Variants in ROCK1 observed in about 807,000 individuals in gnomAD.
The protein encoded by ROCK1 is Rho associated coiled-coil containing protein kinase 1, also known as rho-associated protein kinase 1.
A neutral mutation model predicts 196.8 loss-of-function variants in ROCK1; 36 were observed. The ratio of observed to expected loss-of-function variants is 0.18; its 90% CI spans 0.14 to 0.24. The LOEUF is 0.24. Among genes scored for constraint, ROCK1 ranks in the 10% least tolerant of loss-of-function variants. The probability of loss-of-function intolerance (pLI) is 1.00; values close to 1 mark genes in which losing one functional copy is unlikely to be tolerated. For synonymous variants in ROCK1, 443 were observed against 515.9 expected, an observed-to-expected ratio of 0.86 and a Z score of 1.91; for missense variants, 920 against 1,562.0, an observed-to-expected ratio of 0.59 and a Z score of 6.93.
rs373211247 is a variant in ROCK1 at position 21,063,133 on chromosome 18, A to C, written c.175+7399T>G. On this transcript the variant is annotated intron_variant, in intron 2 of 32. Coordinates refer to ENST00000399799, the MANE Select transcript of ROCK1 (RefSeq NM_005406.3). ...ACATGCACAAGAGCTCACTTTTATA[A>C]CCCCTTCCCACAATAACAGCATTAA... is the stretch of plus-strand genomic sequence containing the variant. Among the ~76,000 whole-genome samples, 3 of 152,174 alleles carry C rather than the reference A, an allele frequency of 2.0e-5. No homozygotes were observed. In the South Asian group the frequency reaches 6.2e-4, roughly 32 times the overall value.
Position 20,951,370 on chromosome 18 carries a change from A to T in ROCK1, c.*14T>A. 1 of 1,602,586 alleles carries T rather than the reference A, an allele frequency of 6.2e-7. No homozygotes were observed. The highest frequency in any genetic ancestry group is 8.5e-7 in the Non-Finnish European group (1 of 1,173,694). On this transcript the variant is annotated 3_prime_UTR_variant, in exon 33 of 33. Coordinates refer to ENST00000399799, the MANE Select transcript of ROCK1 (RefSeq NM_005406.3). ...AGCATCCCACACGATTCCACAGGGC[A>T]CTCAGTCACATGGTTAACTGTTGAG...
chr18:20,963,106 T>C (rs1278206393), intron 27 of ROCK1, among the ~76,000 whole-genome samples: 1 of 151,842 alleles, frequency 6.6e-6, no homozygotes, highest in Non-Finnish European at 1.5e-5. Context: ...AACCTCTAAG[T>C]CTGGATTATC....
chr18:20,987,067 C>T lies in ROCK1; in HGVS notation c.2187G>A (p.Lys729=), dbSNP rs1440434949. 6.2e-7 allele frequency: 1 copy of T among 1,612,876 alleles called. No homozygotes were observed. Among genetic ancestry groups the T allele is most frequent in the Non-Finnish European group, 8.5e-7 (1 of 1,179,748 alleles). ...CAATCTGAACAACCCGATTTTCAGC[C>T]TTCTCTCGAGCTTCTCTTTCTTCTT... ...KLKEEREARE[K]AENRVVQIEK... The change falls in exon 19 of 33, where the codon AAG becomes AAA. Residue 729 remains lysine, a synonymous_variant. Transcript: ENST00000399799.
chr18:20,982,922 A>G (rs1236710784), intron 20 of ROCK1, 90 bp from the exon 21 acceptor site: 1 of 607,096 alleles, frequency 1.6e-6, no homozygotes, highest in Non-Finnish European at 3.0e-6. Context: ...CTAATATAAA[A>G]AAGTTTACTA....
Position 20,960,146 on chromosome 18 carries a change from C to T in ROCK1, c.3413G>A (p.Trp1138Ter). The T allele has an allele frequency of 1.3e-6, 2 of 1,592,436 alleles. No homozygotes were observed. Among genetic ancestry groups the T allele is most frequent in the Non-Finnish European group, 1.7e-6 (2 of 1,160,552 alleles). ...PNRGNIKRYG[W>*]KKQYVVVSSK... The stretch of plus-strand genomic sequence containing the variant: ...TTAGGTATATGGTACCTGTTTCTTC[C>T]AGCCATATCGTTTGATATTTCCTCT... Residue 1138 changes from tryptophan (W) to a stop codon, truncating the protein, a stop_gained, in exon 28 of 33, where the codon TGG (tryptophan) becomes TAG (stop). Transcript: ENST00000399799. LOFTEE classifies it high-confidence loss of function.
chr18:21,084,032 A>G (rs1203593803), intron 1 of ROCK1, among the ~76,000 whole-genome samples: 1 of 152,220 alleles, frequency 6.6e-6, no homozygotes, highest in Non-Finnish European at 1.5e-5. Flanking sequence ...AATAATGGAC[A>G]GTCTTTTTAG....
intron 1 of ROCK1, among the ~76,000 whole-genome samples, chr18:21,077,359 A>C (rs575776856): frequency 6.6e-6 from 1 of 152,296 alleles, no homozygotes; most frequent in South Asian, 2.1e-4. Context: ...GGGTAGAATA[A>C]GACCATACTG....
intron 13 of ROCK1, among the ~76,000 whole-genome samples, chr18:21,012,950 T>C (rs1490854747): frequency 1.3e-5 from 2 of 152,220 alleles, no homozygotes; most frequent in Non-Finnish European, 2.9e-5. Flanking sequence ...TTTCAGTTAT[T>C]GTAATTTTTG....
At chr18:21,051,317 A>C (rs1317288393) in intron 2 of ROCK1, among the ~76,000 whole-genome samples, 1 of 152,108 alleles carries the variant, frequency 6.6e-6, no homozygotes, top group Non-Finnish European at 1.5e-5. Context: ...AGCTGGGTGC[A>C]GTGGCAGTTT....
intron 2 of ROCK1, among the ~76,000 whole-genome samples, chr18:21,050,712 T>C (rs964399045): frequency 1.3e-5 from 2 of 152,224 alleles, no homozygotes; most frequent in African/African-American, 4.8e-5. Flanking sequence ...CAAATGCATT[T>C]AAACTCAAGT....
At chr18:21,027,349 T>C (rs1331867776) in intron 10 of ROCK1, among the ~76,000 whole-genome samples, 2 of 152,218 alleles carry the variant, frequency 1.3e-5, no homozygotes, top group East Asian at 1.9e-4. Flanking sequence ...TCCTTCTCCA[T>C]GCAATTTGGT....
Position 21,020,162 on chromosome 18 carries a change from C to A in ROCK1, c.1350G>T (p.Glu450Asp). 6.3e-7 allele frequency: 1 copy of A among 1,593,158 alleles called. No homozygotes were observed. The highest frequency in any genetic ancestry group is 1.1e-5 in the South Asian group (1 of 88,446). ...HNEMQLKDEM[E>D]QKCRTSNIKL... The stretch of plus-strand genomic sequence containing the variant: ...AAGTATATTCTCACCTGCACTTCTG[C>A]TCCATTTCATCTTTTAACTGCATTT... Residue 450 changes from glutamate to aspartate, a missense_variant, in exon 12 of 33, where the codon GAG becomes GAT. Physicochemically the swap from Glu to Asp is conservative, Grantham distance 45. Transcript: ENST00000399799.
intron 1 of ROCK1, among the ~76,000 whole-genome samples, chr18:21,077,217 C>T (rs550143777): frequency 1.3e-5 from 2 of 152,100 alleles, no homozygotes; most frequent in African/African-American, 4.8e-5. Flanking sequence ...TCATGATCCA[C>T]CCGCCTCGGC....
chr18:21,069,640 T>C (rs1373123631), intron 2 of ROCK1, among the ~76,000 whole-genome samples: 1 of 152,078 alleles, frequency 6.6e-6, no homozygotes, highest in Admixed American at 6.5e-5. Flanking sequence ...ATCTACACCA[T>C]CTCTATAAAT....
At chr18:20,982,201 T>A (rs1329345138) in intron 21 of ROCK1, among the ~76,000 whole-genome samples, 1 of 152,240 alleles carries the variant, frequency 6.6e-6, no homozygotes, top group Non-Finnish European at 1.5e-5. Context: ...CAGTAGATAC[T>A]TTGAATAATT....
rs1237921589 is a variant in ROCK1 at position 21,111,095 on chromosome 18, G to A, written c.-185C>T. On this transcript the variant is annotated 5_prime_UTR_variant, in exon 1 of 33. Transcript: ENST00000399799. The surrounding 1 kb of genome is among the most constrained non-coding windows in gnomAD (Gnocchi z 4.2). The stretch of plus-strand genomic sequence containing the variant: ...ACCTCCGCTCTCCAGACCCCGGGCC[G>A]GGGGCAACAGCGACCCACAGCCGCT... 5 of 595,266 alleles carry A rather than the reference G, an allele frequency of 8.4e-6. No individual in the cohort carries two copies. The highest frequency in any genetic ancestry group is 4.4e-4 in the Middle Eastern group (1 of 2,266). The allele number at this position is 595,266 out of a possible 1,614,324, so 36.9% of individuals were successfully genotyped here.
intron 10 of ROCK1, among the ~76,000 whole-genome samples, chr18:21,027,362 T>TAACACAC (rs2035967459): frequency 6.6e-6 from 1 of 152,240 alleles, no homozygotes; most frequent in African/African-American, 2.4e-5. Context: ...AATTTGGTGC[T>TAACACAC]CAGTATATAC....
At chr18:21,074,195 T>C (rs1325199683) in intron 1 of ROCK1, among the ~76,000 whole-genome samples, 2 of 152,064 alleles carry the variant, frequency 1.3e-5, no homozygotes, top group East Asian at 3.9e-4. Flanking sequence ...CTTCACTTGA[T>C]AAAGAAATAA....
At chr18:21,052,783 T>A (rs1598544893) in intron 2 of ROCK1, among the ~76,000 whole-genome samples, 1 of 151,986 alleles carries the variant, frequency 6.6e-6, no homozygotes, top group African/African-American at 2.4e-5. Flanking sequence ...CATAAAACCA[T>A]CCCGTCTGCC....
Sources: gnomAD v4.1 joint callset for allele counts (sites outside exome capture counted in the v4.1 genomes callset) on GRCh38, gnomAD v4.1.1 for gene constraint, Gnocchi (gnomAD v3.1) non-coding constraint, MANE v1.5 for transcripts, NCBI Gene and HGNC (gene_info 2026-07-23, HGNC 2026-07-21) for gene names.